SOX6: variants seen among roughly 807,000 people sequenced by gnomAD.
SOX6 encodes the protein SRY-box transcription factor 6.
Under a neutral mutation model 97.8 loss-of-function variants are expected in SOX6, and 11 were observed. That is an observed-to-expected ratio of 0.11 (90% CI 0.07 to 0.19). The LOEUF (loss-of-function observed/expected upper bound fraction) is 0.19, where lower values mean the gene tolerates loss of function less well. Ranked by LOEUF, SOX6 falls within the 10% of genes least tolerant of loss-of-function variation. The pLI is 1.00. For missense variants in SOX6, 810 were observed against 1,039.5 expected, an observed-to-expected ratio of 0.78 and a Z score of 3.04; for synonymous variants, 360 against 371.4, an observed-to-expected ratio of 0.97 and a Z score of 0.35.
At chr11:16,240,850 G>A (rs1853174485) in intron 3 of SOX6, among the ~76,000 whole-genome samples, 1 of 152,026 alleles carries the variant, frequency 6.6e-6, no homozygotes, top group South Asian at 2.1e-4. Flanking sequence ...CAAAATGTTG[G>A]TGACAGAGCC....
At chr11:16,722,361 G>C (rs566556228) in intron 2 of SOX6, among the ~76,000 whole-genome samples, 1 of 152,276 alleles carries the variant, frequency 6.6e-6, no homozygotes, top group East Asian at 1.9e-4. Context: ...CCATTAAAAA[G>C]TGGGCAATGG....
chr11:16,106,479 T>C (rs78442478), intron 7 of SOX6, among the ~76,000 whole-genome samples: 16,061 of 151,876 alleles, frequency 0.11, 1,755 homozygotes, highest in East Asian at 0.37. Context: ...AACCATTGAA[T>C]GGGGGAAGGG....
chr11:16,522,540 G>A (rs1358109888), intron 4 of SOX6, among the ~76,000 whole-genome samples: 2 of 151,772 alleles, frequency 1.3e-5, no homozygotes, highest in Non-Finnish European at 2.9e-5. Context: ...CAAAATGTAA[G>A]GACCATCGAG....
chr11:16,356,763 TATAAAG>T (rs1245263616), upstream of SOX6, among the ~76,000 whole-genome samples: 1 of 152,128 alleles, frequency 6.6e-6, no homozygotes, highest in African/African-American at 2.4e-5. Context: ...TTCTGTCATT[TATAAAG>T]ATAGTTTCTT....
intron 1 of SOX6, among the ~76,000 whole-genome samples, chr11:16,472,969 C>G (rs1447649082): frequency 6.6e-6 from 1 of 152,004 alleles, no homozygotes; most frequent in East Asian, 1.9e-4. Flanking sequence ...ATTTTAAATG[C>G]AAGTTACTTA....
At chr11:16,073,383 C>T (rs2133945072) in intron 9 of SOX6, among the ~76,000 whole-genome samples, 1 of 152,208 alleles carries the variant, frequency 6.6e-6, no homozygotes, top group East Asian at 1.9e-4. Flanking sequence ...GGGTTCTATT[C>T]AATAAGAAGA....
At chr11:16,378,152 TAAC>T (rs1857693437) in intron 1 of SOX6, among the ~76,000 whole-genome samples, 1 of 152,160 alleles carries the variant, frequency 6.6e-6, no homozygotes, top group Non-Finnish European at 1.5e-5. Flanking sequence ...CTAAAACATT[TAAC>T]ATTTATTCAA....
intron 12 of SOX6, among the ~76,000 whole-genome samples, chr11:16,038,205 C>T (rs1855566688): frequency 6.6e-6 from 1 of 151,998 alleles, no homozygotes; most frequent in South Asian, 2.1e-4. Flanking sequence ...TCTTGAGCAT[C>T]CAGGAATTTT....
At chr11:16,536,780 G>A (rs1330186110) in intron 4 of SOX6, among the ~76,000 whole-genome samples, 1 of 152,178 alleles carries the variant, frequency 6.6e-6, no homozygotes, top group African/African-American at 2.4e-5. Flanking sequence ...GGCTTGAGTA[G>A]GTAAACAAAG....
chr11:16,048,810 T>C (rs980085910), intron 11 of SOX6, among the ~76,000 whole-genome samples: 3 of 152,104 alleles, frequency 2.0e-5, no homozygotes, highest in African/African-American at 2.4e-5. Flanking sequence ...GTTTGGAAAT[T>C]AAGTCTCTTA....
At chr11:16,724,860 G>A (rs1036169394) in intron 2 of SOX6, among the ~76,000 whole-genome samples, 4 of 152,146 alleles carry the variant, frequency 2.6e-5, no homozygotes, top group South Asian at 2.1e-4. Context: ...TAAAAAAGAT[G>A]ACAAATGTTG....
intron 4 of SOX6, among the ~76,000 whole-genome samples, chr11:16,587,592 GAAAT>G (rs1473932409): frequency 2.3e-4 from 35 of 152,124 alleles, no homozygotes; most frequent in Admixed American, 2.2e-3. Context: ...TCCATCCATG[GAAAT>G]AAATAGATAC....
intron 3 of SOX6, among the ~76,000 whole-genome samples, chr11:16,287,294 T>TCACACA (rs1257485756): frequency 1.5e-4 from 17 of 112,760 alleles, no homozygotes; most frequent in African/African-American, 5.2e-4. Context: ...TCTCTCTCTC[T>TCACACA]CTCTCACACA....
At chr11:16,591,505 A>G (rs897864780) in intron 4 of SOX6, among the ~76,000 whole-genome samples, 2 of 152,182 alleles carry the variant, frequency 1.3e-5, no homozygotes, top group African/African-American at 4.8e-5. Context: ...GATTTATGTT[A>G]TGAAAGAATA....
chr11:16,728,897 T>G (rs1168627454), intron 2 of SOX6, among the ~76,000 whole-genome samples: 1 of 152,146 alleles, frequency 6.6e-6, no homozygotes, highest in Non-Finnish European at 1.5e-5. Context: ...AATGAATGGA[T>G]GGAGCTGAAA....
At chr11:16,202,335 T>A (rs1460406859) in intron 4 of SOX6, among the ~76,000 whole-genome samples, 2 of 152,130 alleles carry the variant, frequency 1.3e-5, no homozygotes, top group South Asian at 4.1e-4. Flanking sequence ...TAGTAGAATG[T>A]CCTGTGTAGC....
At chr11:16,692,784 T>C (rs1848026029) in intron 3 of SOX6, among the ~76,000 whole-genome samples, 1 of 152,222 alleles carries the variant, frequency 6.6e-6, no homozygotes, top group Non-Finnish European at 1.5e-5. Flanking sequence ...ATTTATAAAG[T>C]TTTGTATCCT....
rs73419001 is a variant in SOX6, at chr11:16,235,772, T to C, written c.446-1101A>G. 4.3e-3 allele frequency among the ~76,000 whole-genome samples: 658 copies of C among 152,188 alleles called. 4 individuals are homozygous for C. The highest frequency in any genetic ancestry group is 0.015 in the African/African-American group (603 of 41,560). ...TAAATCCTCCTTGAATTTTTCAGAA[T>C]GACAGTAAGGTCAAGATGGATCTAA... On this transcript the variant is annotated intron_variant, in intron 3 of 15. Transcript: ENST00000683767.
chr11:16,022,886 T>A (rs557912664), intron 12 of SOX6, among the ~76,000 whole-genome samples: 1 of 152,182 alleles, frequency 6.6e-6, no homozygotes, highest in Non-Finnish European at 1.5e-5. Flanking sequence ...CTTTTTATGA[T>A]CTGGCTCCTG....
Sources: gnomAD v4.1 joint callset for allele counts (sites outside exome capture counted in the v4.1 genomes callset) on GRCh38, gnomAD v4.1.1 for gene constraint, MANE v1.5 for transcripts, NCBI Gene and HGNC (gene_info 2026-07-23, HGNC 2026-07-21) for gene names.